The following SCFD2 variants were observed in gnomAD, a reference collection of about 807,000 sequenced individuals.
SCFD2 encodes the protein sec1 family domain containing 2.
Under a neutral mutation model 58.9 loss-of-function variants are expected in SCFD2, and 54 were observed. That is an observed-to-expected ratio of 0.92 (90% CI 0.74 to 1.15). The LOEUF (loss-of-function observed/expected upper bound fraction) is 1.15, where lower values mean the gene tolerates loss of function less well. Among genes scored for constraint, SCFD2 ranks in the 50% most tolerant of loss-of-function variants. SCFD2 has a pLI of 0.00. For missense variants in SCFD2, 805 were observed against 836.6 expected (o/e 0.96, Z 0.47); for synonymous variants, 321 against 335.9 (o/e 0.96, Z 0.49).
intron 3 of SCFD2, among the ~76,000 whole-genome samples, chr4:53,283,518 A>C (rs1261480194): frequency 6.6e-6 from 1 of 152,120 alleles, no homozygotes; most frequent in Non-Finnish European, 1.5e-5. Flanking sequence ...TTTACTTGAT[A>C]CTGTCAGTTT....
chr4:53,111,338 T>TA (rs1560340591), intron 5 of SCFD2, among the ~76,000 whole-genome samples: 1 of 151,862 alleles, frequency 6.6e-6, no homozygotes, highest in South Asian at 2.1e-4. Flanking sequence ...AATATAATCA[T>TA]AAAAAAAGAA....
intron 7 of SCFD2, among the ~76,000 whole-genome samples, chr4:52,906,272 A>C (rs1044437222): frequency 6.6e-6 from 1 of 152,200 alleles, no homozygotes; most frequent in African/African-American, 2.4e-5. Flanking sequence ...CTTACTAACC[A>C]GGCTCTGAAA....
At position 53,333,809 on chromosome 4, in the gene SCFD2, A is replaced by G. The variant is rs1268894051; in HGVS notation, c.1007+18789T>C. Among the ~76,000 whole-genome samples, 8 of 136,466 alleles carry G rather than the reference A, an allele frequency of 5.9e-5. No homozygotes were observed. In the South Asian group the frequency reaches 2.0e-3, roughly 34 times the overall value. 89.5% of individuals were successfully genotyped at this position (136,466 alleles called of 152,430 possible). A position where few individuals can be genotyped will look rare whatever the true frequency, so the allele number is the denominator to read the frequency against. ...AAAAGAAACTACCATCAGAGTGAAC[A>G]GGCAACCTACAAAATGGGAGAAAAT... On this transcript the variant is annotated intron_variant, in intron 2 of 8. Coordinates refer to ENST00000401642, the MANE Select transcript of SCFD2 (RefSeq NM_152540.4).
chr4:53,274,497 G>A (rs1731270620), intron 3 of SCFD2, among the ~76,000 whole-genome samples: 1 of 152,116 alleles, frequency 6.6e-6, no homozygotes, highest in South Asian at 2.1e-4. Context: ...ATATTCGTGA[G>A]ATAAAAGCAG....
At chr4:53,360,588 T>C (rs191164004) in intron 1 of SCFD2, among the ~76,000 whole-genome samples, 7 of 152,346 alleles carry the variant, frequency 4.6e-5, no homozygotes, top group African/African-American at 1.7e-4. Context: ...TGCTGTCACC[T>C]ACCACCACTA....
chr4:52,913,131 T>G (rs1439424964), intron 6 of SCFD2, among the ~76,000 whole-genome samples: 2 of 152,218 alleles, frequency 1.3e-5, no homozygotes, highest in Non-Finnish European at 2.9e-5. Context: ...ATATCCAATG[T>G]GGGCTGGCAA....
At chr4:53,078,088 T>C (rs1386095890) in intron 5 of SCFD2, among the ~76,000 whole-genome samples, 4 of 152,184 alleles carry the variant, frequency 2.6e-5, no homozygotes, top group Non-Finnish European at 5.9e-5. Context: ...GAACTAGTTA[T>C]TGGTTAAATT....
chr4:53,175,475 A>T (rs1352335311), intron 4 of SCFD2, among the ~76,000 whole-genome samples: 1 of 152,166 alleles, frequency 6.6e-6, no homozygotes, highest in Non-Finnish European at 1.5e-5. Flanking sequence ...TACTTCTGAA[A>T]TTTTTTCATT....
rs1719233296 is a variant in SCFD2, at chr4:52,902,648, G to A, written c.1842+4809C>T. Among the ~76,000 whole-genome samples, 4 of 152,168 alleles carry A rather than the reference G, an allele frequency of 2.6e-5. No homozygotes were observed. In the South Asian group the frequency reaches 8.3e-4, roughly 32 times the overall value. On this transcript the variant is annotated intron_variant, in intron 7 of 8. Coordinates refer to ENST00000401642, the MANE Select transcript of SCFD2 (RefSeq NM_152540.4). ...AATAATAATAGCAAATACTTACGTA[G>A]TACTTACTACGCGCCAGACACTGTT...
intron 4 of SCFD2, among the ~76,000 whole-genome samples, chr4:53,149,712 G>A (rs1447703119): frequency 6.6e-6 from 1 of 152,170 alleles, no homozygotes; most frequent in Non-Finnish European, 1.5e-5. Flanking sequence ...CTAAGATGAT[G>A]CCATCTTCCC....
intron 4 of SCFD2, among the ~76,000 whole-genome samples, chr4:53,195,909 CAAAT>C (rs1345348669): frequency 2.0e-5 from 3 of 152,114 alleles, no homozygotes; most frequent in African/African-American, 4.8e-5. Context: ...TGTGAAATAT[CAAAT>C]AAATAGCTAC....
intron 2 of SCFD2, among the ~76,000 whole-genome samples, chr4:53,329,580 C>T (rs1733354245): frequency 6.6e-6 from 1 of 151,504 alleles, no homozygotes; most frequent in African/African-American, 2.4e-5. Context: ...ACATCCACAC[C>T]AAAAACCCAT....
intron 3 of SCFD2, among the ~76,000 whole-genome samples, chr4:53,288,967 T>C (rs1218006672): frequency 1.3e-5 from 2 of 152,192 alleles, no homozygotes; most frequent in Non-Finnish European, 2.9e-5. Context: ...ATACACAATA[T>C]TAAAAGATGC....
intron 4 of SCFD2, among the ~76,000 whole-genome samples, chr4:53,230,092 G>C (rs1365553147): frequency 6.6e-6 from 1 of 152,202 alleles, no homozygotes; most frequent in Non-Finnish European, 1.5e-5. Flanking sequence ...ACACCAGTTA[G>C]AATGGCGATC....
chr4:53,074,418 A>C (rs1723911222), intron 5 of SCFD2, among the ~76,000 whole-genome samples: 1 of 152,122 alleles, frequency 6.6e-6, no homozygotes, highest in South Asian at 2.1e-4. Context: ...GCTGTTAATG[A>C]TATTTTCACC....
chr4:53,282,255 T>C (rs1472045489), intron 3 of SCFD2, among the ~76,000 whole-genome samples: 2 of 152,202 alleles, frequency 1.3e-5, no homozygotes, highest in Non-Finnish European at 2.9e-5. Context: ...TTCATGCTAA[T>C]TGCTCTCTGT....
chr4:53,226,208 T>C (rs551537399), intron 4 of SCFD2, among the ~76,000 whole-genome samples: 2 of 152,316 alleles, frequency 1.3e-5, no homozygotes, highest in East Asian at 1.9e-4. Flanking sequence ...TGGTTTGTGA[T>C]ACTGCCTTTA....
intron 5 of SCFD2, among the ~76,000 whole-genome samples, chr4:53,068,171 A>C (rs898394264): frequency 2.0e-4 from 30 of 152,226 alleles, no homozygotes; most frequent in African/African-American, 7.2e-4. Context: ...ATTTTCATAG[A>C]TATTTTTAGA....
intron 2 of SCFD2, among the ~76,000 whole-genome samples, chr4:53,329,404 G>T (rs552314893): frequency 6.6e-6 from 1 of 151,942 alleles, no homozygotes; most frequent in South Asian, 2.1e-4. Context: ...ATCTCAGAAC[G>T]GGCAGACTGC....
Sources: gnomAD v4.1 joint callset for allele counts (sites outside exome capture counted in the v4.1 genomes callset) on GRCh38, gnomAD v4.1.1 for gene constraint, MANE v1.5 for transcripts, NCBI Gene and HGNC (gene_info 2026-07-23, HGNC 2026-07-21) for gene names.